Variants in CAST observed in about 807,000 individuals in gnomAD.
CAST encodes calpastatin, also known as MIR583 host.
A neutral mutation model predicts 119.6 loss-of-function variants in CAST; 76 were observed. The ratio of observed to expected loss-of-function variants is 0.64; its 90% CI spans 0.53 to 0.77. The LOEUF (loss-of-function observed/expected upper bound fraction) is 0.77, where lower values mean the gene tolerates loss of function less well. Among genes scored for constraint, CAST ranks in the 30% least tolerant of loss-of-function variants. The probability of loss-of-function intolerance (pLI) is 0.00; values close to 1 mark genes in which losing one functional copy is unlikely to be tolerated. For synonymous variants in CAST, 319 were observed against 331.6 expected, an observed-to-expected ratio of 0.96 and a Z score of 0.41; for missense variants, 953 against 946.5, an observed-to-expected ratio of 1.01 and a Z score of -0.09.
chr5:96,115,923 CTT>C, the CAST span, among the ~76,000 whole-genome samples: 44 of 123,956 alleles, frequency 3.5e-4, no homozygotes, highest in Non-Finnish European at 2.8e-4. Context: ...TCATTTCTTT[CTT>C]TTTTTTTTTT....
At chr5:96,337,478 C>T in the CAST span, among the ~76,000 whole-genome samples, 1 of 152,274 alleles carries the variant, frequency 6.6e-6, no homozygotes, top group Non-Finnish European at 1.5e-5. Context: ...AATATTAGGA[C>T]ACCATTTATG....
At chr5:96,014,142 T>C in the CAST span, among the ~76,000 whole-genome samples, 1 of 138,826 alleles carries the variant, frequency 7.2e-6, no homozygotes, top group Admixed American at 7.0e-5. Flanking sequence ...TTTTTTGTAT[T>C]CATTTTTTTT....
At chr5:96,610,526 A>G (rs1212028516) in intron 1 of CAST, among the ~76,000 whole-genome samples, 1 of 152,216 alleles carries the variant, frequency 6.6e-6, no homozygotes, top group Non-Finnish European at 1.5e-5. Flanking sequence ...CCTCAAAATA[A>G]CAACAGCCAT....
chr5:96,565,732 G>A (rs1455512431), intron 1 of CAST, among the ~76,000 whole-genome samples: 3 of 152,162 alleles, frequency 2.0e-5, no homozygotes, highest in Admixed American at 2.0e-4. Context: ...GAACGTATAG[G>A]AGAAGACCGT....
chr5:96,411,060 C>T, the CAST span: 1 of 1,029,122 alleles, frequency 9.7e-7, no homozygotes, highest in Non-Finnish European at 1.5e-6. Context: ...ATAAAATCCC[C>T]AACGACTACA....
At chr5:96,133,621 A>G in the CAST span, among the ~76,000 whole-genome samples, 5 of 152,220 alleles carry the variant, frequency 3.3e-5, no homozygotes, top group African/African-American at 4.8e-5. Flanking sequence ...AGTTTCCCAT[A>G]TTTTCCTTCT....
the CAST span, among the ~76,000 whole-genome samples, chr5:96,053,016 T>A: frequency 6.6e-6 from 1 of 152,050 alleles, no homozygotes; most frequent in Admixed American, 6.6e-5. Flanking sequence ...AGTCCTGCAG[T>A]TGGAAGGTGA....
At chr5:96,347,239 C>A in the CAST span, among the ~76,000 whole-genome samples, 2 of 152,188 alleles carry the variant, frequency 1.3e-5, no homozygotes, top group East Asian at 3.9e-4. Context: ...ACAGTGAATA[C>A]TCCCTAATGG....
intron 1 of CAST, among the ~76,000 whole-genome samples, chr5:96,628,866 C>CG (rs77499688): frequency 0.16 from 23,630 of 151,970 alleles, 2,052 homozygotes; most frequent in Middle Eastern, 0.21. Flanking sequence ...ACATGAGGGG[C>CG]GGGGGGTCAT....
the CAST span, among the ~76,000 whole-genome samples, chr5:96,109,294 C>A: frequency 6.6e-6 from 1 of 152,102 alleles, no homozygotes; most frequent in African/African-American, 2.4e-5. Flanking sequence ...ACATGCTTGG[C>A]AAAAACACAG....
intron 1 of CAST, among the ~76,000 whole-genome samples, chr5:96,639,315 T>C (rs1467193400): frequency 2.0e-5 from 3 of 152,178 alleles, no homozygotes; most frequent in East Asian, 3.8e-4. Context: ...GATTCCAAGA[T>C]GGACTTCTCA....
chr5:96,370,426 C>CT, the CAST span, among the ~76,000 whole-genome samples: 1 of 152,106 alleles, frequency 6.6e-6, no homozygotes, highest in East Asian at 1.9e-4. Flanking sequence ...AAACTTTAAG[C>CT]GTCCCAAACT....
At chr5:96,275,096 C>T in the CAST span, among the ~76,000 whole-genome samples, 1 of 152,170 alleles carries the variant, frequency 6.6e-6, no homozygotes, top group African/African-American at 2.4e-5. Flanking sequence ...GACATATTGA[C>T]CTTTGATTTT....
the CAST span, chr5:96,412,298 G>A: frequency 1.2e-6 from 2 of 1,605,626 alleles, no homozygotes; most frequent in Non-Finnish European, 1.7e-6. Context: ...TTTCATGTGG[G>A]TCTGTGTAAA....
At chr5:95,971,152 G>A in the CAST span, among the ~76,000 whole-genome samples, 1 of 152,192 alleles carries the variant, frequency 6.6e-6, no homozygotes, top group Admixed American at 6.5e-5. Context: ...CATAGAGGAA[G>A]AAGTCTTTCC....
chr5:96,374,417 G>A, the CAST span, among the ~76,000 whole-genome samples: 1 of 152,120 alleles, frequency 6.6e-6, no homozygotes, highest in Non-Finnish European at 1.5e-5. Context: ...TTTTGACATA[G>A]AGGAGGTGTA....
At chr5:96,621,540 G>A (rs1747603917) in intron 1 of CAST, among the ~76,000 whole-genome samples, 1 of 152,144 alleles carries the variant, frequency 6.6e-6, no homozygotes, top group Non-Finnish European at 1.5e-5. Flanking sequence ...GTGTGTGAAG[G>A]AGAAACTGTC....
chr5:96,362,806 T>C, the CAST span, among the ~76,000 whole-genome samples: 1 of 152,154 alleles, frequency 6.6e-6, no homozygotes, highest in African/African-American at 2.4e-5. Context: ...CTGATGGTAG[T>C]TTCTTTTGCT....
chr5:96,061,860 C>T, the CAST span, among the ~76,000 whole-genome samples: 1 of 152,160 alleles, frequency 6.6e-6, no homozygotes, highest in South Asian at 2.1e-4. Context: ...ATGTTAATCT[C>T]CACCAGAGAG....
Sources: allele counts gnomAD v4.1 joint callset (sites outside exome capture counted in the v4.1 genomes callset), GRCh38; gene constraint gnomAD v4.1.1; transcripts MANE v1.5; gene names NCBI Gene and HGNC (gene_info 2026-07-23, HGNC 2026-07-21).